The following OSBP2 variants were observed in gnomAD, a reference collection of about 807,000 sequenced individuals.
OSBP2 encodes the protein oxysterol binding protein 2, also known as oxysterol-binding protein 2.
A neutral mutation model predicts 96.0 loss-of-function variants in OSBP2; 66 were observed. The ratio of observed to expected loss-of-function variants is 0.69; its 90% CI spans 0.56 to 0.84. The LOEUF is 0.84. Ranked by LOEUF, OSBP2 falls within the 40% of genes least tolerant of loss-of-function variation. OSBP2 has a pLI of 0.00. For missense variants in OSBP2, 1,038 were observed against 1,222.7 expected (o/e 0.85, Z 2.25); for synonymous variants, 525 against 520.9 (o/e 1.01, Z -0.11).
At chr22:30,857,710 G>A (rs904993721) in intron 2 of OSBP2, among the ~76,000 whole-genome samples, 3 of 152,212 alleles carry the variant, frequency 2.0e-5, no homozygotes, top group African/African-American at 4.8e-5. Context: ...AAGATGTTAC[G>A]TAATGACTGT....
intron 2 of OSBP2, among the ~76,000 whole-genome samples, chr22:30,776,618 G>A (rs1330490090): frequency 6.7e-6 from 1 of 149,744 alleles, no homozygotes; most frequent in Non-Finnish European, 1.5e-5. Context: ...TTCTTTTTTT[G>A]GAACTGGTGT....
chr22:30,808,843 G>C (rs1414378152), intron 2 of OSBP2, among the ~76,000 whole-genome samples: 2 of 152,090 alleles, frequency 1.3e-5, no homozygotes, highest in African/African-American at 4.8e-5. Context: ...AGTCCCAGCT[G>C]TTTGGGAGGC....
At chr22:30,825,836 C>G (rs2038391107) in intron 2 of OSBP2, among the ~76,000 whole-genome samples, 1 of 152,124 alleles carries the variant, frequency 6.6e-6, no homozygotes, top group Non-Finnish European at 1.5e-5. Context: ...CACAAGCCAG[C>G]CTTCATACTG....
chr22:30,839,191 T>C (rs1041506894), intron 2 of OSBP2, among the ~76,000 whole-genome samples: 1 of 144,670 alleles, frequency 6.9e-6, no homozygotes, highest in Non-Finnish European at 1.5e-5. Flanking sequence ...TCATTTTTTA[T>C]GGCTGCATAG....
rs560319029 is a variant in OSBP2 at position 30,866,031 on chromosome 22, C to T, written c.854-4398C>T. On this transcript the variant is annotated intron_variant, in intron 2 of 13. Transcript: ENST00000332585. ...ACGAGTCCCGGGCAGTAAATCAGAC[C>T]GTAATGATCAGTGCGAGTGAGAATG... is the stretch of plus-strand genomic sequence containing the variant. 4.6e-5 allele frequency among the ~76,000 whole-genome samples: 7 copies of T among 152,282 alleles called. No individual in the cohort carries two copies. The East Asian group carries it at 5.8e-4, about 13-fold the overall frequency.
intron 2 of OSBP2, among the ~76,000 whole-genome samples, chr22:30,799,083 TCC>T (rs1330872838): frequency 4.7e-5 from 7 of 148,204 alleles, no homozygotes; most frequent in African/African-American, 1.5e-4. Context: ...CTTCCTTCCT[TCC>T]TTCCTTCCTT....
intron 1 of OSBP2, among the ~76,000 whole-genome samples, chr22:30,729,240 A>T (rs2145718608): frequency 6.6e-6 from 1 of 152,318 alleles, no homozygotes. Flanking sequence ...TTGGACATTT[A>T]TCCAAAAGAA....
At chr22:30,783,071 T>C (rs1290219626) in intron 2 of OSBP2, among the ~76,000 whole-genome samples, 1 of 112,002 alleles carries the variant, frequency 8.9e-6, no homozygotes, top group Non-Finnish European at 2.0e-5. Context: ...GTGGCTTTTT[T>C]TTTTTTTTTT....
At chr22:30,903,732 G>A (rs944621571) in intron 12 of OSBP2, among the ~76,000 whole-genome samples, 1 of 152,210 alleles carries the variant, frequency 6.6e-6, no homozygotes, top group African/African-American at 2.4e-5. Context: ...TGACTGCAGC[G>A]CTGACACGGT....
chr22:30,888,970 G>GATATGATAGTCTT (rs1411223149), intron 5 of OSBP2, among the ~76,000 whole-genome samples: 1 of 152,118 alleles, frequency 6.6e-6, no homozygotes, highest in African/African-American at 2.4e-5. Context: ...TTAAAAATAC[G>GATATGATAGTCTT]ATATGATAGT....
intron 2 of OSBP2, among the ~76,000 whole-genome samples, chr22:30,767,138 CAAAAAAAAAAAA>C (rs1156950666): frequency 1.3e-5 from 1 of 78,492 alleles, no homozygotes; most frequent in South Asian, 4.3e-4. Flanking sequence ...ACTAAAAATA[CAAAAAAAAAAAA>C]AAAAAAAAAA....
Position 30,724,472 on chromosome 22 carries a change from T to C in OSBP2, c.645-16689T>C, listed in dbSNP as rs539298026. 6.6e-5 allele frequency among the ~76,000 whole-genome samples: 10 copies of C among 152,190 alleles called. No homozygotes were observed. In the East Asian group the frequency reaches 7.7e-4, roughly 12 times the overall value. On this transcript the variant is annotated intron_variant, in intron 1 of 13. Coordinates refer to ENST00000332585, the MANE Select transcript of OSBP2 (RefSeq NM_030758.4). ...CTGACCTTAGGTGATCCACCCACCT[T>C]GGCCTCCCAAAGTGCTGGGATTACA...
In OSBP2 at chr22:30,754,052, C is replaced by A. The variant is rs1431579362; in HGVS notation, c.853+12683C>A. The stretch of plus-strand genomic sequence containing the variant: ...ATATTGTGTCACATTGATCAAACTC[C>A]AAGAAATCAGAGGCACACAGCACTT... On this transcript the variant is annotated intron_variant, in intron 2 of 13. Coordinates refer to ENST00000332585, the MANE Select transcript of OSBP2 (RefSeq NM_030758.4). 2.0e-5 allele frequency among the ~76,000 whole-genome samples: 3 copies of A among 152,204 alleles called. No homozygotes were observed. In the East Asian group the frequency reaches 5.8e-4, roughly 29 times the overall value.
chr22:30,872,168 G>A (rs1011966821), intron 3 of OSBP2: 1 of 452,270 alleles, frequency 2.2e-6, no homozygotes, highest in Non-Finnish European at 4.4e-6. Flanking sequence ...CACCTGCACT[G>A]TTTTCCTACA....
At position 30,870,117 on chromosome 22, in the gene OSBP2, C is replaced by T. The variant is rs1475352895; in HGVS notation, c.854-312C>T. The stretch of plus-strand genomic sequence containing the variant: ...TGCACACCACAATGTAGGGAGCTGG[C>T]GCCCTGCATGCAGGTGGGTGCCTGT... On this transcript the variant is annotated intron_variant, in intron 2 of 13. Transcript: ENST00000332585. This position sits in a 1 kb window ranked among gnomAD's most constrained non-coding sequence, Gnocchi z 4.1. Among the ~76,000 whole-genome samples, 1 of 152,204 alleles carries T rather than the reference C, an allele frequency of 6.6e-6. No individual in the cohort carries two copies. Among genetic ancestry groups the T allele is most frequent in the Non-Finnish European group, 1.5e-5 (1 of 68,026 alleles).
At chr22:30,800,862 T>C (rs1412035973) in intron 2 of OSBP2, among the ~76,000 whole-genome samples, 1 of 152,148 alleles carries the variant, frequency 6.6e-6, no homozygotes, top group Non-Finnish European at 1.5e-5. Flanking sequence ...CTTCAATTTG[T>C]GGGCATGTCA....
At chr22:30,858,205 G>C (rs1159898871) in intron 2 of OSBP2, among the ~76,000 whole-genome samples, 5 of 148,502 alleles carry the variant, frequency 3.4e-5, no homozygotes, top group African/African-American at 1.3e-4. Context: ...GGACTGCAGT[G>C]GCGCAATCTC....
At chr22:30,761,921 T>C (rs552647909) in intron 2 of OSBP2, among the ~76,000 whole-genome samples, 22 of 152,328 alleles carry the variant, frequency 1.4e-4, no homozygotes, top group African/African-American at 5.1e-4. Context: ...ATACTTCTTA[T>C]TTATATAAAA....
intron 2 of OSBP2, among the ~76,000 whole-genome samples, chr22:30,769,913 C>A (rs913336326): frequency 2.0e-5 from 3 of 152,028 alleles, no homozygotes; most frequent in Admixed American, 6.6e-5. Context: ...ATAATTGCCA[C>A]GTGTTGAGGG....
Sources: allele counts gnomAD v4.1 joint callset (sites outside exome capture counted in the v4.1 genomes callset), GRCh38; gene constraint gnomAD v4.1.1; non-coding constraint Gnocchi (gnomAD v3.1); transcripts MANE v1.5; gene names NCBI Gene and HGNC (gene_info 2026-07-23, HGNC 2026-07-21).